Variants in FSD2 observed in about 807,000 individuals in gnomAD.
The protein encoded by FSD2 is fibronectin type III and SPRY domain-containing protein 2.
FSD2 carries 71 observed loss-of-function variants against 80.4 expected under a neutral mutation model. The ratio of observed to expected loss-of-function variants is 0.88; its 90% CI spans 0.73 to 1.08. The LOEUF (loss-of-function observed/expected upper bound fraction) is 1.08. Among genes scored for constraint, FSD2 ranks in the 50% least tolerant of loss-of-function variants. The pLI, the probability that FSD2 is intolerant of heterozygous loss-of-function variation, is 0.00. For missense variants in FSD2, 923 were observed against 913.8 expected (o/e 1.01, Z -0.13); for synonymous variants, 361 against 329.5 (o/e 1.10, Z -1.03).
chr15:82,761,091 G>A (rs554406322), intron 12 of FSD2, among the ~76,000 whole-genome samples: 31 of 152,254 alleles, frequency 2.0e-4, no homozygotes, highest in Non-Finnish European at 4.0e-4. Flanking sequence ...ATCTGTTATC[G>A]GAGGGGAAGT....
chr15:82,774,979 C>T (rs1029467283), intron 6 of FSD2, among the ~76,000 whole-genome samples: 8 of 151,798 alleles, frequency 5.3e-5, no homozygotes, highest in African/African-American at 1.9e-4. Flanking sequence ...CTCAGCCGTC[C>T]AAAGTGCTGG....
intron 1 of FSD2, among the ~76,000 whole-genome samples, chr15:82,797,894 T>C (rs2050316015): frequency 6.6e-6 from 1 of 152,176 alleles, no homozygotes; most frequent in Non-Finnish European, 1.5e-5. Context: ...AAAAGTTGTA[T>C]TGGTAACTTC....
intron 6 of FSD2, among the ~76,000 whole-genome samples, chr15:82,777,406 G>T (rs2151506079): frequency 6.6e-6 from 1 of 152,192 alleles, no homozygotes; most frequent in Non-Finnish European, 1.5e-5. Context: ...AATGGGCAAA[G>T]AACTTAAATA....
chr15:82,802,332 C>T (rs140560257), intron 1 of FSD2, among the ~76,000 whole-genome samples: 7 of 152,280 alleles, frequency 4.6e-5, no homozygotes, highest in South Asian at 2.1e-4. Flanking sequence ...TGTTTCCCTC[C>T]GATGGTTCCC....
intron 10 of FSD2, 110 bp from the exon 11 acceptor site, chr15:82,765,408 G>A: frequency 7.0e-7 from 1 of 1,425,744 alleles, no homozygotes; most frequent in Non-Finnish European, 9.6e-7. Flanking sequence ...CCTGGACCTG[G>A]CCTAGTAATA....
In FSD2 at chr15:82,772,167, T is replaced by G. The variant is rs899761412; in HGVS notation, c.1173A>C (p.Arg391=). The change falls in exon 7 of 13, where the codon CGA becomes CGC. Residue 391 remains arginine (R), a synonymous_variant. Coordinates refer to ENST00000334574, the MANE Select transcript of FSD2 (RefSeq NM_001007122.4). ...VPNSATGSSV[R]VCWSLYSDDT... The stretch of plus-strand genomic sequence containing the variant: ...CGTCGGAGTATAAGCTCCAGCACAC[T>G]CGGACTGAGGAACCTGTGGCTGAGT... The G allele has an allele frequency of 6.2e-7, 1 of 1,612,508 alleles. No individual in the cohort carries two copies. Among genetic ancestry groups the G allele is most frequent in the African/African-American group, 1.3e-5 (1 of 74,880 alleles).
chr15:82,779,838 C>T (rs1047202022), intron 5 of FSD2, among the ~76,000 whole-genome samples: 6 of 152,002 alleles, frequency 3.9e-5, no homozygotes, highest in Non-Finnish European at 8.8e-5. Flanking sequence ...TAGATTTGCT[C>T]AAGGTCATGA....
At position 82,759,255 on chromosome 15, in the gene FSD2, C is replaced by T. The variant is rs2049232264; in HGVS notation, c.*93G>A. The T allele has an allele frequency of 7.3e-7, 1 of 1,360,884 alleles. No individual in the cohort carries two copies. The highest frequency in any genetic ancestry group is 1.0e-6 in the Non-Finnish European group (1 of 1,002,978). 84.3% of individuals were successfully genotyped at this position (1,360,884 alleles called of 1,614,324 possible). ...CATGAGCCATAAATTGTGCTGGGCACATGGTGCTTAAGTGCCAGGTTCAGC... is the reference window on the plus strand; with the variant it reads ...CATGAGCCATAAATTGTGCTGGGCATATGGTGCTTAAGTGCCAGGTTCAGC... On this transcript the variant is annotated 3_prime_UTR_variant, in exon 13 of 13. Coordinates refer to ENST00000334574, the MANE Select transcript of FSD2 (RefSeq NM_001007122.4).
chr15:82,803,226 C>G (rs2050454455), intron 1 of FSD2, among the ~76,000 whole-genome samples: 1 of 152,124 alleles, frequency 6.6e-6, no homozygotes, highest in Admixed American at 6.5e-5. Flanking sequence ...TGCTTGAAAC[C>G]CTCCTGTCTC....
intron 1 of FSD2, among the ~76,000 whole-genome samples, chr15:82,798,878 GT>G (rs755092933): frequency 1.5e-4 from 20 of 135,794 alleles, no homozygotes; most frequent in South Asian, 4.5e-4. Context: ...CCACTGTTTT[GT>G]TTTTTTTTTT....
chr15:82,805,492 G>T (rs1049893690), intron 1 of FSD2, among the ~76,000 whole-genome samples: 1 of 152,162 alleles, frequency 6.6e-6, no homozygotes, highest in Non-Finnish European at 1.5e-5. Context: ...ATAGGAGGAG[G>T]CTGTATGCAT....
At chr15:82,764,491 G>A (rs1185246100) in intron 11 of FSD2, among the ~76,000 whole-genome samples, 1 of 59,332 alleles carries the variant, frequency 1.7e-5, no homozygotes, top group Admixed American at 2.0e-4. Flanking sequence ...TTCTTTACTT[G>A]CTTTTTTTTT....
Position 82,769,033 on chromosome 15 carries a change from A to C in FSD2, c.1403-3T>G. Reference sequence around the variant, plus strand: ...TTTAATAATGGGGGGAGAAGGTGCTAAATGTGGGAGAAAGGGAGAGATGAA... The same window carrying C: ...TTTAATAATGGGGGGAGAAGGTGCTCAATGTGGGAGAAAGGGAGAGATGAA... On this transcript the variant is annotated splice_polypyrimidine_tract_variant and splice_region_variant and intron_variant, in intron 8 of 12. Coordinates refer to ENST00000334574, the MANE Select transcript of FSD2 (RefSeq NM_001007122.4). 6.4e-7 allele frequency: 1 copy of C among 1,571,402 alleles called. No individual in the cohort carries two copies. The highest frequency in any genetic ancestry group is 8.6e-7 in the Non-Finnish European group (1 of 1,161,138).
chr15:82,788,649 G>A (rs1232769704), intron 1 of FSD2, among the ~76,000 whole-genome samples: 2 of 152,052 alleles, frequency 1.3e-5, no homozygotes, highest in South Asian at 2.1e-4. Flanking sequence ...ATATGCTGCC[G>A]GCTAGAATGT....
rs562884717 is a variant in FSD2, at chr15:82,790,662, G to A, written c.-78-3194C>T. On this transcript the variant is annotated intron_variant, in intron 1 of 12. Transcript: ENST00000334574. ...GCGATCTCGGCTCACTGCAACCTCC[G>A]CCTCCCGGGTTCACGCCATCCTCCT... Among the ~76,000 whole-genome samples the A allele has an allele frequency of 3.6e-3, 542 of 151,498 alleles. 1 individual carries two copies. Among genetic ancestry groups the A allele is most frequent in the Non-Finnish European group, 5.8e-3 (393 of 67,898 alleles).
chr15:82,783,035 A>T lies in FSD2; in HGVS notation c.736-10T>A, dbSNP rs375312749. On this transcript the variant is annotated splice_polypyrimidine_tract_variant and intron_variant, in intron 3 of 12. Coordinates refer to ENST00000334574, the MANE Select transcript of FSD2 (RefSeq NM_001007122.4). Reference sequence around the variant, plus strand: ...GTTTTCCAAAATTCTCCTGCAAGACAGTTGATCTCAGTCATCATTTCAGCG... The same window carrying T: ...GTTTTCCAAAATTCTCCTGCAAGACTGTTGATCTCAGTCATCATTTCAGCG... 5 of 1,564,584 alleles carry T rather than the reference A, an allele frequency of 3.2e-6. No individual in the cohort carries two copies. In the African/African-American group the frequency reaches 6.8e-5, roughly 21 times the overall value.
chr15:82,764,651 T>C (rs2049370761), intron 11 of FSD2, among the ~76,000 whole-genome samples: 1 of 152,012 alleles, frequency 6.6e-6, no homozygotes, highest in Admixed American at 6.6e-5. Context: ...CTAATTTTTA[T>C]ATTTTTAGTA....
At position 82,786,911 on chromosome 15, in the gene FSD2, C is replaced by G; in HGVS notation, c.480G>C (p.Glu160Asp). ...CCTCGGGGATGACATAGCATTCATA[C>G]TCCTCGCTGGCACGGCCGTGTGTGT... ...YRYTHGRASE[E>D]YECYVIPEEE... The change falls in exon 2 of 13, where the codon GAG becomes GAC. Residue 160 changes from glutamate (E) to aspartate (D), a missense_variant. By Grantham distance (45) the Glu-to-Asp change is conservative. Coordinates refer to ENST00000334574, the MANE Select transcript of FSD2 (RefSeq NM_001007122.4). 2 of 1,613,978 alleles carry G rather than the reference C, an allele frequency of 1.2e-6. No homozygotes were observed. The highest frequency in any genetic ancestry group is 1.7e-6 in the Non-Finnish European group (2 of 1,179,894).
At chr15:82,783,140 C>G (rs919350265) in intron 3 of FSD2, 115 bp from the exon 4 acceptor site, 1 of 752,576 alleles carries the variant, frequency 1.3e-6, no homozygotes, top group South Asian at 1.8e-5. Context: ...GCAGTGTTGC[C>G]CAGGCTGGAG....
Sources: allele counts gnomAD v4.1 joint callset (sites outside exome capture counted in the v4.1 genomes callset), GRCh38; gene constraint gnomAD v4.1.1; transcripts MANE v1.5; gene names NCBI Gene and HGNC (gene_info 2026-07-23, HGNC 2026-07-21).